Variants in FHIP1A observed in about 807,000 individuals in gnomAD.
FHIP1A encodes FHF complex subunit HOOK interacting protein 1A, also known as FHF complex subunit HOOK-interacting protein 1A.
In FHIP1A, 61 loss-of-function variants were observed where a neutral mutation model predicts 88.6. The ratio of observed to expected loss-of-function variants is 0.69; its 90% CI spans 0.56 to 0.85. FHIP1A has a LOEUF of 0.85. Ranked by LOEUF, FHIP1A falls within the 40% of genes least tolerant of loss-of-function variation. The pLI, the probability that FHIP1A is intolerant of heterozygous loss-of-function variation, is 0.00. For missense variants in FHIP1A, 1,154 were observed against 1,273.5 expected, an observed-to-expected ratio of 0.91 and a Z score of 1.43; for synonymous variants, 478 against 496.0, an observed-to-expected ratio of 0.96 and a Z score of 0.48.
chr4:151,568,987 A>C (rs2126776614), intron 4 of FHIP1A, among the ~76,000 whole-genome samples: 1 of 152,138 alleles, frequency 6.6e-6, no homozygotes, highest in African/African-American at 2.4e-5. Context: ...AATGCTACTT[A>C]TTTGTTGTTT....
In FHIP1A at chr4:151,656,896, A is replaced by C; in HGVS notation, c.2867A>C (p.Lys956Thr). Residue 956 changes from lysine (K) to threonine (T), a missense_variant and splice_region_variant, in exon 13 of 14, where the codon AAA becomes ACA. Transcript: ENST00000435205. The surrounding 1 kb of genome is among the most constrained non-coding windows in gnomAD (Gnocchi z 4.2). Reference protein sequence around the residue: ...MSDMTPAALTKDPIQEASRTG... With the variant: ...MSDMTPAALTTDPIQEASRTG... ...GATATGACCCCTGCAGCACTAACCA[A>C]AGGTAAGCCAGGTTTCTCCACAGCG... 1 of 1,548,044 alleles carries C rather than the reference A, an allele frequency of 6.5e-7. No homozygotes were observed. The highest frequency in any genetic ancestry group is 8.7e-7 in the Non-Finnish European group (1 of 1,145,092).
At chr4:151,550,013 A>G (rs149323568) in intron 3 of FHIP1A, among the ~76,000 whole-genome samples, 10 of 152,336 alleles carry the variant, frequency 6.6e-5, no homozygotes, top group African/African-American at 2.4e-4. Flanking sequence ...TTTTGAAAGA[A>G]CAAGTGAGTG....
At position 151,489,630 on chromosome 4, in the gene FHIP1A, G is replaced by C. The variant is rs191860158; in HGVS notation, c.-123+6982G>C. On this transcript the variant is annotated intron_variant, in intron 3 of 13. Coordinates refer to ENST00000435205, the MANE Select transcript of FHIP1A (RefSeq NM_001109977.3). ...AGCTGCTGGATATAAACTCAGTGCT[G>C]TTATCGAGGCATGGTGGGAGTGAGA... Among the ~76,000 whole-genome samples, 172 of 152,274 alleles carry C rather than the reference G, an allele frequency of 1.1e-3. 1 individual carries two copies. The highest frequency in any genetic ancestry group is 4.0e-3 in the African/African-American group (168 of 41,560).
At chr4:151,662,415 C>G in intron 13 of FHIP1A, 86 bp from the exon 14 acceptor site, 1 of 1,391,278 alleles carries the variant, frequency 7.2e-7, no homozygotes, top group Non-Finnish European at 9.5e-7. Context: ...TCTCCAGCAA[C>G]TCTGCCCCCA....
chr4:151,483,278 T>C (rs1368880410), intron 3 of FHIP1A, among the ~76,000 whole-genome samples: 7 of 152,096 alleles, frequency 4.6e-5, no homozygotes, highest in Admixed American at 4.6e-4. Flanking sequence ...TAATGCTTTA[T>C]AATTTGCCTC....
Position 151,649,605 on chromosome 4 carries a change from T to C in FHIP1A, c.1564T>C (p.Ser522Pro). 1 of 1,551,648 alleles carries C rather than the reference T, an allele frequency of 6.4e-7. No individual in the cohort carries two copies. The highest frequency in any genetic ancestry group is 8.7e-7 in the Non-Finnish European group (1 of 1,146,976). The change falls in exon 11 of 14, where the codon TCC (serine) becomes CCC (proline). Residue 522 changes from serine (S) to proline (P), a missense_variant. By Grantham distance (74) the Ser-to-Pro change is moderately conservative. Transcript: ENST00000435205. ...CTGCATGAGGGACTGCCGTGTCTGGTCCGCCCTGTATGATGGCGACTCCCC... is the reference window on the plus strand; with the variant it reads ...CTGCATGAGGGACTGCCGTGTCTGGCCCGCCCTGTATGATGGCGACTCCCC... The part of the protein sequence containing the change: ...LRCMRDCRVW[S>P]ALYDGDSPDP...
Position 151,638,770 on chromosome 4 carries a change from T to G in FHIP1A, c.1226+14T>G. The G allele has an allele frequency of 6.7e-7, 1 of 1,482,572 alleles. No homozygotes were observed. The highest frequency in any genetic ancestry group is 9.2e-7 in the Non-Finnish European group (1 of 1,090,978). The allele number at this position is 1,482,572 out of a possible 1,614,324, so 91.8% of individuals were successfully genotyped here. A position where few individuals can be genotyped will look rare whatever the true frequency, so the allele number is the denominator to read the frequency against. ...GCTAGTTCTAAGGTGAGTTGCCTTT[T>G]TTGTTTCCTTTAAAGAAAAATTCAC... is the stretch of plus-strand genomic sequence containing the variant. On this transcript the variant is annotated intron_variant, in intron 9 of 13. Transcript: ENST00000435205.
intron 8 of FHIP1A, among the ~76,000 whole-genome samples, chr4:151,638,029 A>G (rs1208470716): frequency 6.6e-6 from 1 of 152,212 alleles, no homozygotes; most frequent in African/African-American, 2.4e-5. Context: ...ACCTTTGGGT[A>G]TCTCCCCTGT....
Position 151,566,271 on chromosome 4 carries a change from G to T in FHIP1A, c.12G>T (p.Ser4=), listed in dbSNP as rs116521641. The T allele has an allele frequency of 6.5e-7, 1 of 1,548,478 alleles. No homozygotes were observed. The highest frequency in any genetic ancestry group is 8.7e-7 in the Non-Finnish European group (1 of 1,144,486). Residue 4 remains serine, a synonymous_variant, in exon 4 of 14, where the codon TCG becomes TCT. Transcript: ENST00000435205. MMS[S]VSTESKLQQA... ...ATTTATGAAGGCTTATGATGTCATC[G>T]GTTTCGACAGAAAGCAAACTCCAGC...
chr4:151,513,302 G>A (rs1222082935), intron 3 of FHIP1A, among the ~76,000 whole-genome samples: 2 of 152,178 alleles, frequency 1.3e-5, no homozygotes, highest in Non-Finnish European at 2.9e-5. Context: ...CCTGAAGGAA[G>A]CACTAAACAT....
chr4:151,560,849 G>A (rs1014924881), intron 3 of FHIP1A, among the ~76,000 whole-genome samples: 3 of 151,678 alleles, frequency 2.0e-5, no homozygotes, highest in African/African-American at 4.8e-5. Context: ...TTGCCTATAG[G>A]GATTTAGTTT....
In FHIP1A at chr4:151,506,124, G is replaced by A. The variant is rs188167429; in HGVS notation, c.-123+23476G>A. 9.9e-4 allele frequency among the ~76,000 whole-genome samples: 151 copies of A among 152,144 alleles called. 1 individual carries two copies. The highest frequency in any genetic ancestry group is 3.1e-3 in the African/African-American group (130 of 41,518). On this transcript the variant is annotated intron_variant, in intron 3 of 13. Transcript: ENST00000435205. ...TTTGTAGAGGTGGGTGTCTCACTGC[G>A]TTGCCCAGGCTGGCCTCTAACATTC...
intron 1 of FHIP1A, among the ~76,000 whole-genome samples, chr4:151,451,823 CTT>C (rs904784467): frequency 7.7e-6 from 1 of 130,302 alleles, no homozygotes; most frequent in Non-Finnish European, 1.7e-5. Flanking sequence ...TTCTTTCTTT[CTT>C]TTTTTTTTTG....
intron 2 of FHIP1A, among the ~76,000 whole-genome samples, chr4:151,459,075 G>A (rs757213929): frequency 9.9e-5 from 15 of 152,056 alleles, no homozygotes; most frequent in South Asian, 4.1e-4. Flanking sequence ...CAATCTGTTC[G>A]TATGACCAGC....
chr4:151,471,817 C>T (rs1210833076), intron 2 of FHIP1A, among the ~76,000 whole-genome samples: 1 of 152,202 alleles, frequency 6.6e-6, no homozygotes, highest in South Asian at 2.1e-4. Flanking sequence ...CATTCTTATG[C>T]CTTTGCATTA....
intron 2 of FHIP1A, among the ~76,000 whole-genome samples, chr4:151,479,099 A>C (rs1035227724): frequency 6.6e-6 from 1 of 152,078 alleles, no homozygotes. Flanking sequence ...ATTTGGTTCA[A>C]CTTTTCCTAA....
rs114941868 is a variant in FHIP1A at position 151,533,200 on chromosome 4, G to A, written c.-122-32938G>A. Among the ~76,000 whole-genome samples the A allele has an allele frequency of 5.6e-3, 860 of 152,214 alleles. 7 individuals carry two copies. The highest frequency in any genetic ancestry group is 0.02 in the African/African-American group (814 of 41,540). ...GTGGTATGTAGGATTTATTTCCCCA[G>A]CCTGGTTGACGTGGCAAGACCCTGT... On this transcript the variant is annotated intron_variant, in intron 3 of 13. Coordinates refer to ENST00000435205, the MANE Select transcript of FHIP1A (RefSeq NM_001109977.3).
intron 4 of FHIP1A, 106 bp from the exon 5 acceptor site, chr4:151,577,344 C>T: frequency 1.0e-6 from 1 of 1,001,252 alleles, no homozygotes; most frequent in Non-Finnish European, 1.5e-6. Flanking sequence ...ATCTTGTGGG[C>T]AGTGGCTCCT....
At chr4:151,556,947 A>T (rs1023624090) in intron 3 of FHIP1A, among the ~76,000 whole-genome samples, 8 of 152,146 alleles carry the variant, frequency 5.3e-5, no homozygotes, top group African/African-American at 1.7e-4. Context: ...TGAGAAAAAA[A>T]AAATGTGTTG....
Sources: gnomAD v4.1 joint callset for allele counts (sites outside exome capture counted in the v4.1 genomes callset) on GRCh38, gnomAD v4.1.1 for gene constraint, Gnocchi (gnomAD v3.1) non-coding constraint, MANE v1.5 for transcripts, NCBI Gene and HGNC (gene_info 2026-07-23, HGNC 2026-07-21) for gene names.